AGAP1: variants seen among roughly 807,000 people sequenced by gnomAD.
The protein encoded by AGAP1 is arf-GAP with GTPase, ANK repeat and PH domain-containing protein 1.
Under a neutral mutation model 105.3 loss-of-function variants are expected in AGAP1, and 29 were observed. That is an observed-to-expected ratio of 0.28 (90% CI 0.21 to 0.38). The LOEUF is 0.38. AGAP1 is among the 10% of genes least tolerant of loss of function. The pLI, the probability that AGAP1 is intolerant of heterozygous loss-of-function variation, is 1.00. For missense variants in AGAP1, 998 were observed against 1,165.1 expected (o/e 0.86, Z 2.09); for synonymous variants, 509 against 485.9 (o/e 1.05, Z -0.63).
At chr2:236,093,499 G>A (rs1003920654) in intron 16 of AGAP1, among the ~76,000 whole-genome samples, 1 of 152,088 alleles carries the variant, frequency 6.6e-6, no homozygotes, top group African/African-American at 2.4e-5. Flanking sequence ...ACACAATTGG[G>A]GGCATTTTCC....
At position 235,566,895 on chromosome 2, in the gene AGAP1, C is replaced by T. The variant is rs1944363360; in HGVS notation, c.163+72046C>T. Among the ~76,000 whole-genome samples the T allele has an allele frequency of 6.6e-6, 1 of 152,232 alleles. No individual in the cohort carries two copies. The highest frequency in any genetic ancestry group is 1.5e-5 in the Non-Finnish European group (1 of 68,030). ...CAAGGTGTGCCCAGAGCTGTGCTCCCTCCAGAGGATAGAGCAGGATTCCTC... is the reference window on the plus strand; with the variant it reads ...CAAGGTGTGCCCAGAGCTGTGCTCCTTCCAGAGGATAGAGCAGGATTCCTC... On this transcript the variant is annotated intron_variant, in intron 1 of 17. Coordinates refer to ENST00000304032, the MANE Select transcript of AGAP1 (RefSeq NM_001037131.3). This position sits in a 1 kb window ranked among gnomAD's most constrained non-coding sequence, Gnocchi z 5.2.
chr2:235,511,005 G>A (rs981971633), intron 1 of AGAP1, among the ~76,000 whole-genome samples: 14 of 151,542 alleles, frequency 9.2e-5, no homozygotes, highest in Non-Finnish European at 2.1e-4. Flanking sequence ...GGCGGGGGGC[G>A]GCGGTGTATG....
At chr2:235,856,671 T>C (rs185578160) in intron 9 of AGAP1, among the ~76,000 whole-genome samples, 174 of 152,352 alleles carry the variant, frequency 1.1e-3, no homozygotes, top group African/African-American at 4.0e-3. Flanking sequence ...TGACCCAGAG[T>C]ACACAGGCCA....
chr2:236,112,057 C>G (rs1185768432), intron 16 of AGAP1, among the ~76,000 whole-genome samples: 1 of 152,160 alleles, frequency 6.6e-6, no homozygotes, highest in East Asian at 1.9e-4. Context: ...CAAGACAGAG[C>G]CCGGTGCAGC....
At chr2:235,656,369 A>C (rs544444548) in intron 1 of AGAP1, among the ~76,000 whole-genome samples, 1 of 152,312 alleles carries the variant, frequency 6.6e-6, no homozygotes, top group Admixed American at 6.5e-5. Context: ...ATTTCTTTTC[A>C]AAGAATCAGT....
At chr2:235,671,959 T>C (rs552543024) in intron 1 of AGAP1, among the ~76,000 whole-genome samples, 22 of 152,186 alleles carry the variant, frequency 1.4e-4, no homozygotes, top group South Asian at 6.2e-4. Flanking sequence ...GTGGAAGTGG[T>C]GCTAGATTGC....
In AGAP1 at chr2:235,596,479, A is replaced by G. The variant is rs1574930100; in HGVS notation, c.163+101630A>G. 6.6e-6 allele frequency among the ~76,000 whole-genome samples: 1 copy of G among 152,282 alleles called. No homozygotes were observed. Among genetic ancestry groups the G allele is most frequent in the South Asian group, 2.1e-4 (1 of 4,828 alleles). On this transcript the variant is annotated intron_variant, in intron 1 of 17. Transcript: ENST00000304032. This position sits in a 1 kb window ranked among gnomAD's most constrained non-coding sequence, Gnocchi z 5.9. ...CTGCAGATTTGGATTCAGCAAGGCA[A>G]GGTGGACCTGAGAGTCTGTGTTTCT...
intron 16 of AGAP1, chr2:236,072,157 G>A (rs1356348564): frequency 7.2e-6 from 1 of 139,734 alleles, no homozygotes; most frequent in Non-Finnish European, 1.5e-5. Context: ...TTAGAGATAA[G>A]GTCACCGGGC....
chr2:235,658,452 C>A (rs1305335699), intron 1 of AGAP1, among the ~76,000 whole-genome samples: 1 of 151,502 alleles, frequency 6.6e-6, no homozygotes, highest in Non-Finnish European at 1.5e-5. Context: ...GTGAGTATTT[C>A]CGTATTAGCA....
chr2:235,953,203 A>G lies in AGAP1; in HGVS notation c.1484-15259A>G, dbSNP rs1559688528. ...GAACAAGAAGTTTTTCAAATATTTTAGGTGTTTACAAAATATTTCTATGAG... is the reference window on the plus strand; with the variant it reads ...GAACAAGAAGTTTTTCAAATATTTTGGGTGTTTACAAAATATTTCTATGAG... On this transcript the variant is annotated intron_variant, in intron 12 of 17. Transcript: ENST00000304032. The surrounding 1 kb of genome is among the most constrained non-coding windows in gnomAD (Gnocchi z 5.2). Among the ~76,000 whole-genome samples, 1 of 152,186 alleles carries G rather than the reference A, an allele frequency of 6.6e-6. No homozygotes were observed. The highest frequency in any genetic ancestry group is 2.4e-5 in the African/African-American group (1 of 41,450).
At position 235,664,032 on chromosome 2, in the gene AGAP1, G is replaced by A. The variant is rs1948048295; in HGVS notation, c.164-45147G>A. 1.3e-5 allele frequency among the ~76,000 whole-genome samples: 2 copies of A among 152,132 alleles called. No individual in the cohort carries two copies. The highest frequency in any genetic ancestry group is 4.8e-5 in the African/African-American group (2 of 41,432). On this transcript the variant is annotated intron_variant, in intron 1 of 17. Transcript: ENST00000304032. The surrounding 1 kb of genome is among the most constrained non-coding windows in gnomAD (Gnocchi z 5.7). ...TTGACCGCATCCCTCCTGTCCCTGAGCTCGAAGGCTGAATGGTCGATGGGA... is the reference window on the plus strand; with the variant it reads ...TTGACCGCATCCCTCCTGTCCCTGAACTCGAAGGCTGAATGGTCGATGGGA...
intron 16 of AGAP1, among the ~76,000 whole-genome samples, chr2:236,118,195 T>A (rs1016259920): frequency 6.6e-6 from 1 of 152,074 alleles, no homozygotes; most frequent in African/African-American, 2.4e-5. Context: ...TCATGGGTAA[T>A]GAGTTTTCTT....
rs542177880 is a variant in AGAP1 at position 236,120,361 on chromosome 2, G to A, written c.2284G>A (p.Glu762Lys). ...LAHGSRDEVNETCGEGDGRTA... is the reference protein window; with the variant it reads ...LAHGSRDEVNKTCGEGDGRTA... ...ACACGGCTCCCGGGACGAGGTGAAC[G>A]AGACCTGCGGGGAGGGAGACGGCCG... The change falls in exon 17 of 18, where the codon GAG becomes AAG. Residue 762 changes from glutamate (E) to lysine (K), a missense_variant. Glu to Lys is a moderately conservative substitution (Grantham distance 56, BLOSUM62 1). Coordinates refer to ENST00000304032, the MANE Select transcript of AGAP1 (RefSeq NM_001037131.3). The surrounding 1 kb of genome is among the most constrained non-coding windows in gnomAD (Gnocchi z 6.0). 187 of 1,611,868 alleles carry A rather than the reference G, an allele frequency of 1.2e-4. 3 individuals carry two copies. In the South Asian group the frequency reaches 1.8e-3, roughly 16 times the overall value.
In AGAP1 at chr2:236,095,810, T is replaced by C. The variant is rs2059178176; in HGVS notation, c.2115-24382T>C. 6.6e-6 allele frequency among the ~76,000 whole-genome samples: 1 copy of C among 152,252 alleles called. No homozygotes were observed. Among genetic ancestry groups the C allele is most frequent in the Admixed American group, 6.5e-5 (1 of 15,286 alleles). ...TTGCACAGAGATAGTCCCTAAGAGC[T>C]GGCCAACTTCCACGATCATTATATT... On this transcript the variant is annotated intron_variant, in intron 16 of 17. Transcript: ENST00000304032. This position sits in a 1 kb window ranked among gnomAD's most constrained non-coding sequence, Gnocchi z 4.1.
At chr2:236,028,227 G>A (rs1241356349) in intron 13 of AGAP1, among the ~76,000 whole-genome samples, 1 of 152,104 alleles carries the variant, frequency 6.6e-6, no homozygotes, top group East Asian at 1.9e-4. Context: ...ACTCTGTTGG[G>A]CCTTGTTGGT....
intron 13 of AGAP1, among the ~76,000 whole-genome samples, chr2:236,018,872 C>T (rs1235650247): frequency 2.0e-5 from 3 of 152,180 alleles, no homozygotes; most frequent in Admixed American, 6.5e-5. Context: ...TGGGCCAGAT[C>T]GCTGGAACCC....
At chr2:235,675,465 G>T (rs999576126) in intron 1 of AGAP1, among the ~76,000 whole-genome samples, 1 of 152,038 alleles carries the variant, frequency 6.6e-6, no homozygotes, top group African/African-American at 2.4e-5. Flanking sequence ...AAGCCTGAGC[G>T]ACCGCGCCTG....
At chr2:236,060,588 A>G (rs956438220) in intron 16 of AGAP1, among the ~76,000 whole-genome samples, 4 of 152,006 alleles carry the variant, frequency 2.6e-5, no homozygotes, top group African/African-American at 9.7e-5. Context: ...TAAGCTACTC[A>G]GGCGGCTGAG....
In AGAP1 at chr2:235,905,230, G is replaced by A. The variant is rs575442804; in HGVS notation, c.1156-3508G>A. ...ATTAGCCTCATTTTAGAGCCCATAA[G>A]CAATAAATGCTCAATTACACTCCTG... On this transcript the variant is annotated intron_variant, in intron 10 of 17. Coordinates refer to ENST00000304032, the MANE Select transcript of AGAP1 (RefSeq NM_001037131.3). The surrounding 1 kb of genome is among the most constrained non-coding windows in gnomAD (Gnocchi z 4.2). 6.6e-6 allele frequency among the ~76,000 whole-genome samples: 1 copy of A among 152,290 alleles called. No homozygotes were observed. The highest frequency in any genetic ancestry group is 1.9e-4 in the East Asian group (1 of 5,186).
Sources: gnomAD v4.1 joint callset for allele counts (sites outside exome capture counted in the v4.1 genomes callset) on GRCh38, gnomAD v4.1.1 for gene constraint, Gnocchi (gnomAD v3.1) non-coding constraint, MANE v1.5 for transcripts, NCBI Gene and HGNC (gene_info 2026-07-23, HGNC 2026-07-21) for gene names.